The following AMDHD1 variants were observed in gnomAD, a reference collection of about 807,000 sequenced individuals.
AMDHD1 encodes probable imidazolonepropionase.
AMDHD1 carries 45 observed loss-of-function variants against 44.1 expected under a neutral mutation model. The ratio of observed to expected loss-of-function variants is 1.02; its 90% CI spans 0.80 to 1.31. The LOEUF (loss-of-function observed/expected upper bound fraction) is 1.31, where lower values mean the gene tolerates loss of function less well. AMDHD1 is among the 50% of genes most tolerant of loss of function. The probability of loss-of-function intolerance (pLI) is 0.00; values close to 1 mark genes in which losing one functional copy is unlikely to be tolerated. For synonymous variants in AMDHD1, 206 were observed against 205.0 expected, an observed-to-expected ratio of 1.00 and a Z score of -0.04; for missense variants, 586 against 552.1, an observed-to-expected ratio of 1.06 and a Z score of -0.61.
rs942679990 is a variant in AMDHD1 at position 95,968,535 on chromosome 12, A to G, written c.*692A>G. On this transcript the variant is annotated 3_prime_UTR_variant, in exon 9 of 9. Coordinates refer to ENST00000266736, the MANE Select transcript of AMDHD1 (RefSeq NM_152435.3). The stretch of plus-strand genomic sequence containing the variant: ...TTTTTTAAAATTTTCGATTCTTTAC[A>G]TTACAATTGGGTGAAACACATTTTA... 2.6e-5 allele frequency: 4 copies of G among 152,198 alleles called. No individual in the cohort carries two copies. Among genetic ancestry groups the G allele is most frequent in the Non-Finnish European group, 4.4e-5 (3 of 68,028 alleles). The allele number at this position is 152,198 out of a possible 1,614,324, so 9.4% of individuals were successfully genotyped here. A position where few individuals can be genotyped will look rare whatever the true frequency, so the allele number is the denominator to read the frequency against.
chr12:95,957,753 A>T (rs970435961), intron 4 of AMDHD1, among the ~76,000 whole-genome samples: 3 of 152,184 alleles, frequency 2.0e-5, no homozygotes, highest in Non-Finnish European at 4.4e-5. Flanking sequence ...AAACTTCGGA[A>T]TATAAATTCC....
At chr12:95,946,162 T>A (rs1324786184) in intron 1 of AMDHD1, among the ~76,000 whole-genome samples, 1 of 151,816 alleles carries the variant, frequency 6.6e-6, no homozygotes, top group Non-Finnish European at 1.5e-5. Context: ...CAGTTGACAA[T>A]TGTCCCATCC....
intron 7 of AMDHD1, 128 bp from the exon 8 acceptor site, chr12:95,966,220 C>T: frequency 1.0e-6 from 1 of 987,684 alleles, no homozygotes; most frequent in Non-Finnish European, 1.5e-6. Flanking sequence ...TAGATTTTTC[C>T]CATTGCAACT....
intron 8 of AMDHD1, among the ~76,000 whole-genome samples, 195 bp from the exon 9 acceptor site, chr12:95,967,561 T>G (rs913020890): frequency 2.0e-5 from 3 of 152,200 alleles, no homozygotes; most frequent in Non-Finnish European, 4.4e-5. Flanking sequence ...AGTACTTAAA[T>G]GATATTATTA....
intron 6 of AMDHD1, among the ~76,000 whole-genome samples, chr12:95,963,852 T>G (rs1187981836): frequency 6.6e-6 from 1 of 152,030 alleles, no homozygotes; most frequent in African/African-American, 2.4e-5. Context: ...CCAACATGGT[T>G]GAACTCCGTC....
At position 95,966,361 on chromosome 12, in the gene AMDHD1, A is replaced by C; in HGVS notation, c.1046A>C (p.His349Pro). ...TTCCTGCCTTAGCCAATGGTCATGC[A>C]TCTGGCCTGTGTAAACATGAGAATG... ...AYCFSMPMVM[H>P]LACVNMRMSM... Residue 349 changes from histidine (H) to proline (P), a missense_variant, in exon 8 of 9, where the codon CAT becomes CCT. Physicochemically the swap from His to Pro is moderately conservative, Grantham distance 77. Transcript: ENST00000266736. 3 of 1,614,230 alleles carry C rather than the reference A, an allele frequency of 1.9e-6. No individual in the cohort carries two copies. Among genetic ancestry groups the C allele is most frequent in the Non-Finnish European group, 2.5e-6 (3 of 1,180,048 alleles).
At chr12:95,958,391 G>A (rs1386819108) in intron 4 of AMDHD1, among the ~76,000 whole-genome samples, 3 of 152,080 alleles carry the variant, frequency 2.0e-5, no homozygotes, top group Non-Finnish European at 4.4e-5. Flanking sequence ...TAGTTGTGTA[G>A]AAAAGACATA....
At chr12:95,945,672 C>T (rs770691748) in intron 1 of AMDHD1, among the ~76,000 whole-genome samples, 4 of 152,140 alleles carry the variant, frequency 2.6e-5, no homozygotes, top group Non-Finnish European at 5.9e-5. Context: ...AAGAAGAACA[C>T]AGGCTGTGAG....
In AMDHD1 at chr12:95,960,543, A is replaced by C; in HGVS notation, c.733A>C (p.Arg245=). ...KGVFDLDSTR[R]ILQRGKDIGL... ...TGTCTTTGATCTCGATTCCACCAGA[A>C]GGATTCTTCAACGTGGAAAAGATAT... Residue 245 remains arginine (R), a synonymous_variant, in exon 5 of 9, where the codon AGG becomes CGG. Coordinates refer to ENST00000266736, the MANE Select transcript of AMDHD1 (RefSeq NM_152435.3). 6.2e-7 allele frequency: 1 copy of C among 1,614,218 alleles called. No homozygotes were observed. The highest frequency in any genetic ancestry group is 8.5e-7 in the Non-Finnish European group (1 of 1,180,030).
At chr12:95,952,942 CGT>C in intron 2 of AMDHD1, 119 bp downstream of exon 2, 1 of 607,564 alleles carries the variant, frequency 1.6e-6, no homozygotes, top group Non-Finnish European at 2.8e-6. Flanking sequence ...AAAAAATCAT[CGT>C]TCCATGTATT....
chr12:95,952,590 C>A, intron 1 of AMDHD1, 127 bp from the exon 2 acceptor site: 2 of 628,598 alleles, frequency 3.2e-6, no homozygotes, highest in Non-Finnish European at 5.4e-6. Flanking sequence ...GACTCAGGTT[C>A]AAGATAGAAG....
At chr12:95,959,076 G>T (rs1296510517) in intron 4 of AMDHD1, among the ~76,000 whole-genome samples, 2 of 147,566 alleles carry the variant, frequency 1.4e-5, no homozygotes, top group Admixed American at 6.7e-5. Context: ...AAAAAAAAAA[G>T]AAAAGAAAAA....
chr12:95,944,592 T>C (rs938295678), intron 1 of AMDHD1, among the ~76,000 whole-genome samples: 7 of 152,030 alleles, frequency 4.6e-5, no homozygotes, highest in African/African-American at 1.4e-4. Context: ...AATTTTTGTA[T>C]TTTTTGTAGA....
Position 95,944,217 on chromosome 12 carries a change from G to A in AMDHD1, c.137+682G>A, listed in dbSNP as rs186365638. On this transcript the variant is annotated intron_variant, in intron 1 of 8. Transcript: ENST00000266736. ...GAATTTGAATCCAAAGCGTGCCATG[G>A]GACCACAATTGCACACGATCAATGA... Among the ~76,000 whole-genome samples the A allele has an allele frequency of 2.1e-3, 315 of 152,196 alleles. 1 individual carries two copies. Among genetic ancestry groups the A allele is most frequent in the Non-Finnish European group, 3.3e-3 (225 of 68,002 alleles).
chr12:95,966,233 G>C, intron 7 of AMDHD1, 115 bp from the exon 8 acceptor site: 1 of 1,198,688 alleles, frequency 8.3e-7, no homozygotes, highest in Non-Finnish European at 1.2e-6. Flanking sequence ...TTGCAACTGA[G>C]CCAATTCCTC....
intron 6 of AMDHD1, among the ~76,000 whole-genome samples, chr12:95,964,928 CAAAAAAAAA>C (rs60076877): frequency 1.4e-4 from 5 of 35,826 alleles, no homozygotes; most frequent in South Asian, 2.8e-3. Flanking sequence ...ATGTTTGAGG[CAAAAAAAAA>C]AAAAAAAAAA....
In AMDHD1 at chr12:95,957,914, G is replaced by A. The variant is rs544848532; in HGVS notation, c.587+952G>A. On this transcript the variant is annotated intron_variant, in intron 4 of 8. Transcript: ENST00000266736. Reference sequence around the variant, plus strand: ...CTAAAAATACAAAAATTAGCGAGGCGTGGTGGCCCATGCCTGTAATCCCAG... The same window carrying A: ...CTAAAAATACAAAAATTAGCGAGGCATGGTGGCCCATGCCTGTAATCCCAG... 2.6e-5 allele frequency among the ~76,000 whole-genome samples: 4 copies of A among 152,072 alleles called. No homozygotes were observed. In the South Asian group the frequency reaches 8.3e-4, roughly 32 times the overall value.
rs149491922 is a variant in AMDHD1 at position 95,968,446 on chromosome 12, G to A, written c.*603G>A. The stretch of plus-strand genomic sequence containing the variant: ...TTCAAGACACATCATTTATACACAG[G>A]CACAGGGGCCTTCCTGAAATGGGTG... On this transcript the variant is annotated 3_prime_UTR_variant, in exon 9 of 9. Transcript: ENST00000266736. 8 of 152,278 alleles carry A rather than the reference G, an allele frequency of 5.3e-5. No homozygotes were observed. Among genetic ancestry groups the A allele is most frequent in the African/African-American group, 1.9e-4 (8 of 41,544 alleles). 9.4% of individuals were successfully genotyped at this position (152,278 alleles called of 1,614,324 possible). A position where few individuals can be genotyped will look rare whatever the true frequency, so the allele number is the denominator to read the frequency against.
In AMDHD1 at chr12:95,965,786, AT is replaced by A. The variant is rs1565979853; in HGVS notation, c.1032+14del. The A allele has an allele frequency of 2.5e-6, 4 of 1,580,046 alleles. No individual in the cohort carries two copies. Among genetic ancestry groups the A allele is most frequent in the African/African-American group, 1.3e-5 (1 of 74,098 alleles). On this transcript the variant is annotated splice_region_variant and intron_variant, in intron 7 of 8. Coordinates refer to ENST00000266736, the MANE Select transcript of AMDHD1 (RefSeq NM_152435.3). ...TGCATATTGCTTTTCAATGGTAATTATTTTTTTCATGTACCTTTCTGAGCAG... is the reference window on the plus strand; with the variant it reads ...TGCATATTGCTTTTCAATGGTAATTATTTTTTCATGTACCTTTCTGAGCAG...
Sources: allele counts gnomAD v4.1 joint callset (sites outside exome capture counted in the v4.1 genomes callset), GRCh38; gene constraint gnomAD v4.1.1; transcripts MANE v1.5; gene names NCBI Gene and HGNC (gene_info 2026-07-23, HGNC 2026-07-21).